The following ST6GALNAC3 variants were observed in gnomAD, a reference collection of about 807,000 sequenced individuals.
The protein encoded by ST6GALNAC3 is alpha-N-acetylgalactosaminide alpha-2,6-sialyltransferase 3.
ST6GALNAC3 carries 25 observed loss-of-function variants against 32.7 expected under a neutral mutation model. The observed-to-expected ratio is 0.76, with a 90% confidence interval of 0.56 to 1.07. The LOEUF (loss-of-function observed/expected upper bound fraction) is 1.07, where lower values mean the gene tolerates loss of function less well. Ranked by LOEUF, ST6GALNAC3 falls within the 50% of genes least tolerant of loss-of-function variation. The probability of loss-of-function intolerance (pLI) is 0.00; values close to 1 mark genes in which losing one functional copy is unlikely to be tolerated. For synonymous variants in ST6GALNAC3, 129 were observed against 133.1 expected, an observed-to-expected ratio of 0.97 and a Z score of 0.21; for missense variants, 355 against 382.4, an observed-to-expected ratio of 0.93 and a Z score of 0.60.
chr1:76,342,357 C>T (rs887671975), intron 2 of ST6GALNAC3, among the ~76,000 whole-genome samples: 10 of 152,304 alleles, frequency 6.6e-5, no homozygotes, highest in African/African-American at 2.2e-4. Context: ...TTCTCCACAT[C>T]CTCTCCAGCA....
At chr1:76,105,165 C>G (rs1367842450) in intron 1 of ST6GALNAC3, among the ~76,000 whole-genome samples, 1 of 152,090 alleles carries the variant, frequency 6.6e-6, no homozygotes, top group African/African-American at 2.4e-5. Flanking sequence ...AGGGAATAGT[C>G]CAAATATTCC....
At chr1:76,356,822 C>T (rs1649493611) in intron 2 of ST6GALNAC3, among the ~76,000 whole-genome samples, 1 of 152,168 alleles carries the variant, frequency 6.6e-6, no homozygotes, top group South Asian at 2.1e-4. Flanking sequence ...AGCCACCAAG[C>T]TGTTCTCCCT....
chr1:76,424,929 T>G (rs79025330), intron 3 of ST6GALNAC3, among the ~76,000 whole-genome samples: 317 of 152,098 alleles, frequency 2.1e-3, no homozygotes, highest in African/African-American at 7.5e-3. Flanking sequence ...TAAAGCTAGA[T>G]GTGAACACCT....
chr1:76,359,902 T>C (rs1035194684), intron 2 of ST6GALNAC3, among the ~76,000 whole-genome samples: 34 of 152,222 alleles, frequency 2.2e-4, no homozygotes, highest in African/African-American at 7.7e-4. Flanking sequence ...ATCCCATTTA[T>C]TGAGTGATGA....
chr1:76,506,813 T>C (rs1051419008), intron 3 of ST6GALNAC3, among the ~76,000 whole-genome samples: 1 of 152,048 alleles, frequency 6.6e-6, no homozygotes. Context: ...AGCTGTCACC[T>C]CTCCATGTAG....
intron 1 of ST6GALNAC3, among the ~76,000 whole-genome samples, chr1:76,267,277 C>T (rs760706730): frequency 2.6e-5 from 4 of 152,238 alleles, no homozygotes; most frequent in Non-Finnish European, 4.4e-5. Context: ...TGCTAAGCTT[C>T]GTGGACTTTG....
intron 3 of ST6GALNAC3, among the ~76,000 whole-genome samples, chr1:76,593,263 A>C: frequency 6.6e-6 from 1 of 152,208 alleles, no homozygotes; most frequent in South Asian, 2.1e-4. Flanking sequence ...GCAGTACAGA[A>C]GCAAAGGAAG....
chr1:76,588,333 G>A (rs1646995561), intron 3 of ST6GALNAC3, among the ~76,000 whole-genome samples: 1 of 151,668 alleles, frequency 6.6e-6, no homozygotes, highest in African/African-American at 2.4e-5. Flanking sequence ...TCCCTTTCAT[G>A]TTTTCTTGGT....
intron 2 of ST6GALNAC3, among the ~76,000 whole-genome samples, chr1:76,385,418 C>A (rs1056181549): frequency 6.6e-6 from 1 of 152,120 alleles, no homozygotes; most frequent in African/African-American, 2.4e-5. Context: ...GGACACAACT[C>A]TAGAGAGAGA....
At chr1:76,592,606 C>T (rs896388415) in intron 3 of ST6GALNAC3, among the ~76,000 whole-genome samples, 1 of 152,012 alleles carries the variant, frequency 6.6e-6, no homozygotes, top group Non-Finnish European at 1.5e-5. Context: ...CATTTGGAGC[C>T]CCTGACCCTG....
At chr1:76,142,703 C>T (rs999944569) in intron 1 of ST6GALNAC3, among the ~76,000 whole-genome samples, 2 of 152,222 alleles carry the variant, frequency 1.3e-5, no homozygotes, top group Admixed American at 6.5e-5. Context: ...ATTCTAAAGA[C>T]ATTGAAGAAT....
intron 2 of ST6GALNAC3, among the ~76,000 whole-genome samples, chr1:76,330,745 T>C (rs1489963423): frequency 6.6e-6 from 1 of 152,214 alleles, no homozygotes; most frequent in East Asian, 1.9e-4. Context: ...AAGTAACTTA[T>C]TCAAGGTCAG....
At chr1:76,443,181 G>A (rs1230059429) in intron 3 of ST6GALNAC3, among the ~76,000 whole-genome samples, 2 of 151,946 alleles carry the variant, frequency 1.3e-5, no homozygotes, top group Non-Finnish European at 2.9e-5. Flanking sequence ...TAAAGACAGG[G>A]TCTCACTCTG....
intron 3 of ST6GALNAC3, among the ~76,000 whole-genome samples, chr1:76,508,977 A>C (rs752440695): frequency 3.9e-5 from 6 of 152,212 alleles, no homozygotes; most frequent in Non-Finnish European, 7.3e-5. Flanking sequence ...ATTTAGAATA[A>C]ATACTTTACC....
intron 3 of ST6GALNAC3, among the ~76,000 whole-genome samples, chr1:76,588,730 G>T (rs1647001207): frequency 2.0e-5 from 3 of 152,158 alleles, no homozygotes; most frequent in Admixed American, 2.0e-4. Context: ...GCCTTGGGGA[G>T]GCATTTCCAG....
chr1:76,598,656 C>A (rs1007863668), intron 3 of ST6GALNAC3, among the ~76,000 whole-genome samples: 1 of 151,912 alleles, frequency 6.6e-6, no homozygotes, highest in Non-Finnish European at 1.5e-5. Context: ...CTACTGATGT[C>A]TTCTATATTC....
intron 1 of ST6GALNAC3, among the ~76,000 whole-genome samples, chr1:76,295,245 T>A (rs1660330145): frequency 6.6e-6 from 1 of 152,112 alleles, no homozygotes; most frequent in Non-Finnish European, 1.5e-5. Flanking sequence ...TCTTGAAGAT[T>A]TTTCAAACTA....
chr1:76,229,956 A>G (rs1391641945), intron 1 of ST6GALNAC3, among the ~76,000 whole-genome samples: 3 of 152,218 alleles, frequency 2.0e-5, no homozygotes, highest in Non-Finnish European at 2.9e-5. Flanking sequence ...ATGTAAAACT[A>G]TAAAGGAAAA....
intron 3 of ST6GALNAC3, among the ~76,000 whole-genome samples, chr1:76,503,320 T>C (rs745747971): frequency 2.5e-4 from 38 of 152,224 alleles, no homozygotes; most frequent in Non-Finnish European, 4.4e-4. Context: ...CTCCCCTCCA[T>C]TTGGCTTAGC....
Sources: allele counts gnomAD v4.1 joint callset (sites outside exome capture counted in the v4.1 genomes callset), GRCh38; gene constraint gnomAD v4.1.1; transcripts MANE v1.5; gene names NCBI Gene and HGNC (gene_info 2026-07-23, HGNC 2026-07-21).